TSPAN5: variants seen among roughly 807,000 people sequenced by gnomAD.
TSPAN5 encodes the protein tetraspanin-5.
A neutral mutation model predicts 37.1 loss-of-function variants in TSPAN5; 10 were observed. The observed-to-expected ratio is 0.27, with a 90% CI of 0.17 to 0.46. TSPAN5 has a LOEUF of 0.46. TSPAN5 is among the 20% of genes least tolerant of loss of function. The pLI, the probability that TSPAN5 is intolerant of heterozygous loss-of-function variation, is 1.00. For missense variants in TSPAN5, 195 were observed against 326.6 expected (o/e 0.60, Z 3.11); for synonymous variants, 110 against 118.9 (o/e 0.93, Z 0.48).
At chr4:98,562,671 CAAAACAAA>C (rs1754908300) in intron 1 of TSPAN5, among the ~76,000 whole-genome samples, 5 of 129,284 alleles carry the variant, frequency 3.9e-5, no homozygotes, top group African/African-American at 1.8e-4. Context: ...AAAAACAAAA[CAAAACAAA>C]ACAAAACAAA....
At chr4:98,612,914 C>T (rs888951794) in intron 1 of TSPAN5, among the ~76,000 whole-genome samples, 1 of 152,248 alleles carries the variant, frequency 6.6e-6, no homozygotes, top group African/African-American at 2.4e-5. Context: ...AAACTACATT[C>T]TTTCTGCCAG....
chr4:98,598,602 C>T (rs1174929960), intron 1 of TSPAN5, among the ~76,000 whole-genome samples: 1 of 152,128 alleles, frequency 6.6e-6, no homozygotes, highest in African/African-American at 2.4e-5. Context: ...GTAGCTGGCA[C>T]TACAGGTGCG....
At chr4:98,481,126 T>C (rs1752830152) in intron 4 of TSPAN5, among the ~76,000 whole-genome samples, 1 of 152,144 alleles carries the variant, frequency 6.6e-6, no homozygotes, top group Admixed American at 6.5e-5. Context: ...TGCAGGTATA[T>C]AAAGACCTGC....
chr4:98,497,896 T>C (rs141451446), intron 2 of TSPAN5, among the ~76,000 whole-genome samples: 34 of 152,228 alleles, frequency 2.2e-4, no homozygotes, highest in African/African-American at 7.2e-4. Context: ...CAGTGGGGCC[T>C]CTATGTGACA....
chr4:98,612,527 T>A (rs1756221488), intron 1 of TSPAN5, among the ~76,000 whole-genome samples: 1 of 152,198 alleles, frequency 6.6e-6, no homozygotes, highest in Admixed American at 6.5e-5. Context: ...CCCTAGAATT[T>A]GCTTAGCAGA....
At chr4:98,599,153 T>G (rs1218927861) in intron 1 of TSPAN5, among the ~76,000 whole-genome samples, 1 of 152,106 alleles carries the variant, frequency 6.6e-6, no homozygotes, top group Non-Finnish European at 1.5e-5. Context: ...TTTATTTTTG[T>G]TTTTAGAGAC....
chr4:98,557,073 T>C (rs568149273), intron 1 of TSPAN5, among the ~76,000 whole-genome samples: 1 of 152,344 alleles, frequency 6.6e-6, no homozygotes, highest in Non-Finnish European at 1.5e-5. Context: ...TCTGGAATCA[T>C]ATACTCTTAT....
chr4:98,569,077 G>A (rs1755066039), intron 1 of TSPAN5, among the ~76,000 whole-genome samples: 1 of 152,192 alleles, frequency 6.6e-6, no homozygotes, highest in Non-Finnish European at 1.5e-5. Context: ...TGAAATGGAT[G>A]CCTCGGACTT....
intron 1 of TSPAN5, among the ~76,000 whole-genome samples, chr4:98,530,795 G>A (rs1578970871): frequency 6.6e-6 from 1 of 152,026 alleles, no homozygotes; most frequent in African/African-American, 2.4e-5. Flanking sequence ...AGACTGGAAT[G>A]CAGTGGCAAG....
rs567930864 is a variant in TSPAN5, at chr4:98,633,982, G to A, written c.81+24164C>T. ...TAATCCCAGCTACTCAGGAAGATGA[G>A]GCAGGAGAATCGCTTGAACCCGGGA... is the stretch of plus-strand genomic sequence containing the variant. On this transcript the variant is annotated intron_variant, in intron 1 of 7. Coordinates refer to ENST00000305798, the MANE Select transcript of TSPAN5 (RefSeq NM_005723.4). Among the ~76,000 whole-genome samples, 4 of 152,146 alleles carry A rather than the reference G, an allele frequency of 2.6e-5. 1 individual carries two copies. Among genetic ancestry groups the A allele is most frequent in the East Asian group, 1.9e-4 (1 of 5,166 alleles).
chr4:98,532,258 T>C (rs542901753), intron 1 of TSPAN5, among the ~76,000 whole-genome samples: 1 of 152,348 alleles, frequency 6.6e-6, no homozygotes, highest in South Asian at 2.1e-4. Context: ...GGGGATAGCA[T>C]TGAATCTATA....
intron 1 of TSPAN5, among the ~76,000 whole-genome samples, chr4:98,639,970 CTCACAT>C (rs1220836271): frequency 6.6e-6 from 1 of 152,134 alleles, no homozygotes; most frequent in African/African-American, 2.4e-5. Flanking sequence ...TTGACAAATG[CTCACAT>C]TCTGAAAGGC....
chr4:98,549,073 G>A (rs1754540813), intron 1 of TSPAN5, among the ~76,000 whole-genome samples: 1 of 152,120 alleles, frequency 6.6e-6, no homozygotes, highest in Admixed American at 6.6e-5. Flanking sequence ...TACCGGAAAT[G>A]GGATTGCTAG....
intron 1 of TSPAN5, among the ~76,000 whole-genome samples, chr4:98,646,734 G>A (rs1362430781): frequency 6.6e-6 from 1 of 152,124 alleles, no homozygotes; most frequent in African/African-American, 2.4e-5. Flanking sequence ...ATGCACTTAT[G>A]TAGGCAGAAT....
chr4:98,477,845 A>G (rs1267037920), intron 5 of TSPAN5, among the ~76,000 whole-genome samples: 1 of 151,802 alleles, frequency 6.6e-6, no homozygotes, highest in Non-Finnish European at 1.5e-5. Flanking sequence ...TTTTTTGTAG[A>G]GATGGGGTCT....
At chr4:98,487,401 C>T (rs1752993554) in intron 2 of TSPAN5, among the ~76,000 whole-genome samples, 2 of 152,078 alleles carry the variant, frequency 1.3e-5, no homozygotes, top group South Asian at 4.2e-4. Flanking sequence ...ACACACACCC[C>T]CTGACCCCCA....
At chr4:98,601,296 C>G (rs980216737) in intron 1 of TSPAN5, among the ~76,000 whole-genome samples, 5 of 152,228 alleles carry the variant, frequency 3.3e-5, no homozygotes, top group Admixed American at 2.6e-4. Flanking sequence ...ACTGACTTCT[C>G]CTCTCTAGCT....
At chr4:98,537,653 T>TGGGAGG (rs1270073261) in intron 1 of TSPAN5, among the ~76,000 whole-genome samples, 2 of 152,202 alleles carry the variant, frequency 1.3e-5, no homozygotes, top group African/African-American at 4.8e-5. Flanking sequence ...GCTCTCAACA[T>TGGGAGG]GTGCCTCACC....
At chr4:98,515,992 C>T (rs974964933) in intron 1 of TSPAN5, among the ~76,000 whole-genome samples, 2 of 152,162 alleles carry the variant, frequency 1.3e-5, no homozygotes, top group South Asian at 2.1e-4. Context: ...CTTTCCTCTC[C>T]GTAACCTTAT....
Sources: gnomAD v4.1 joint callset for allele counts (sites outside exome capture counted in the v4.1 genomes callset) on GRCh38, gnomAD v4.1.1 for gene constraint, MANE v1.5 for transcripts, NCBI Gene and HGNC (gene_info 2026-07-23, HGNC 2026-07-21) for gene names.